KDM4B: variants seen among roughly 807,000 people sequenced by gnomAD.
KDM4B encodes lysine demethylase 4B.
A neutral mutation model predicts 125.2 loss-of-function variants in KDM4B; 32 were observed. The observed-to-expected ratio is 0.26, with a 90% confidence interval of 0.19 to 0.34. The LOEUF is 0.34. Among genes scored for constraint, KDM4B ranks in the 10% least tolerant of loss-of-function variants. KDM4B has a pLI of 1.00. For missense variants in KDM4B, 1,190 were observed against 1,577.7 expected (o/e 0.75, Z 4.16); for synonymous variants, 721 against 677.9 (o/e 1.06, Z -0.99).
chr19:5,054,191 C>G (rs921120727), intron 6 of KDM4B, among the ~76,000 whole-genome samples: 1 of 152,178 alleles, frequency 6.6e-6, no homozygotes, highest in African/African-American at 2.4e-5. Context: ...CTCAGGTGAT[C>G]CTCCCCCTTC....
chr19:5,132,105 A>T, intron 13 of KDM4B, 98 bp downstream of exon 13: 1 of 1,390,136 alleles, frequency 7.2e-7, no homozygotes, highest in Non-Finnish European at 9.6e-7. Context: ...TCCTTCCCCC[A>T]CTTCCTGGGT....
intron 15 of KDM4B, among the ~76,000 whole-genome samples, chr19:5,136,445 G>A (rs560286501): frequency 1.3e-5 from 2 of 152,304 alleles, no homozygotes; most frequent in Admixed American, 6.5e-5. Context: ...GATCTGTGTC[G>A]GTTTCCTCCT....
intron 1 of KDM4B, among the ~76,000 whole-genome samples, chr19:4,973,454 G>A (rs1258746937): frequency 6.6e-6 from 1 of 152,102 alleles, no homozygotes; most frequent in Non-Finnish European, 1.5e-5. Flanking sequence ...CTCCCAAAGT[G>A]CTGGGATTAC....
At chr19:5,071,968 G>A (rs2037963156) in intron 7 of KDM4B, among the ~76,000 whole-genome samples, 1 of 152,174 alleles carries the variant, frequency 6.6e-6, no homozygotes, top group Admixed American at 6.5e-5. Flanking sequence ...TGAGGGGTGA[G>A]GGTCAGTGAG....
rs1055675135 is a variant in KDM4B at position 5,035,686 on chromosome 19, T to G, written c.141+2655T>G. 6.6e-6 allele frequency among the ~76,000 whole-genome samples: 1 copy of G among 151,626 alleles called. No individual in the cohort carries two copies. Among genetic ancestry groups the G allele is most frequent in the Admixed American group, 6.6e-5 (1 of 15,228 alleles). On this transcript the variant is annotated intron_variant, in intron 3 of 22. Coordinates refer to ENST00000159111, the MANE Select transcript of KDM4B (RefSeq NM_015015.3). The surrounding 1 kb of genome is among the most constrained non-coding windows in gnomAD (Gnocchi z 5.3). The stretch of plus-strand genomic sequence containing the variant: ...CGGCGTCTTAAGCCAGTGTGGGGAG[T>G]ATGGTTTCCCTGCCTTGCGTTCTGC...
intron 9 of KDM4B, among the ~76,000 whole-genome samples, chr19:5,097,043 C>T (rs914288343): frequency 4.6e-5 from 7 of 151,998 alleles, no homozygotes; most frequent in African/African-American, 1.7e-4. Flanking sequence ...GTCAGCAGGG[C>T]GGGGAGAAAA....
intron 7 of KDM4B, among the ~76,000 whole-genome samples, chr19:5,073,803 T>G (rs2038019594): frequency 6.6e-6 from 1 of 152,138 alleles, no homozygotes; most frequent in Non-Finnish European, 1.5e-5. Flanking sequence ...TTGGTGGTGC[T>G]TTCACAGGGG....
rs748352750 is a variant in KDM4B at position 5,142,846 on chromosome 19, G to T, written c.2551-1121G>T. ...CCCTTGGCTTATCTGGCTTTTGAAC[G>T]TGGTTTATAGAGTGGTGACGGTGCC... is the stretch of plus-strand genomic sequence containing the variant. On this transcript the variant is annotated intron_variant, in intron 18 of 22. Transcript: ENST00000159111. This position sits in a 1 kb window ranked among gnomAD's most constrained non-coding sequence, Gnocchi z 5.4. Among the ~76,000 whole-genome samples the T allele has an allele frequency of 6.6e-6, 1 of 151,996 alleles. No homozygotes were observed. Among genetic ancestry groups the T allele is most frequent in the African/African-American group, 2.4e-5 (1 of 41,378 alleles).
At position 4,997,760 on chromosome 19, in the gene KDM4B, GC is replaced by G. The variant is rs1293318785; in HGVS notation, c.-108-18495del. On this transcript the variant is annotated intron_variant, in intron 1 of 22. Transcript: ENST00000159111. The surrounding 1 kb of genome is among the most constrained non-coding windows in gnomAD (Gnocchi z 4.2). ...TGGGGGCTCCAGGACCTCGTCATCA[GC>G]CTCTTCATCCTTACTGTCTGGTCTG... Among the ~76,000 whole-genome samples, 1 of 152,204 alleles carries G rather than the reference GC, an allele frequency of 6.6e-6. No individual in the cohort carries two copies. The highest frequency in any genetic ancestry group is 2.4e-5 in the African/African-American group (1 of 41,460).
At chr19:5,111,662 C>G in intron 10 of KDM4B, 1 of 713,928 alleles carries the variant, frequency 1.4e-6, no homozygotes, top group Non-Finnish European at 2.6e-6. Context: ...AAGGAACATT[C>G]AGGGAGCCCC....
intron 6 of KDM4B, among the ~76,000 whole-genome samples, chr19:5,063,445 A>G (rs905100977): frequency 2.6e-5 from 4 of 152,182 alleles, no homozygotes; most frequent in Non-Finnish European, 5.9e-5. Flanking sequence ...ATGTGTGTAC[A>G]TGGGCACTGT....
At chr19:5,084,359 T>A (rs2038403215) in intron 9 of KDM4B, among the ~76,000 whole-genome samples, 1 of 144,996 alleles carries the variant, frequency 6.9e-6, no homozygotes. Context: ...GTAATTTATA[T>A]ATTGTATATA....
At chr19:5,149,560 C>A (rs181709741) in intron 21 of KDM4B, among the ~76,000 whole-genome samples, 116 of 152,344 alleles carry the variant, frequency 7.6e-4, no homozygotes, top group African/African-American at 2.7e-3. Context: ...CAGGGAGTGA[C>A]CCCAGCACCT....
intron 10 of KDM4B, among the ~76,000 whole-genome samples, chr19:5,116,732 G>A (rs1036676790): frequency 2.0e-5 from 3 of 152,228 alleles, no homozygotes; most frequent in African/African-American, 7.2e-5. Flanking sequence ...ACCCCAGGGT[G>A]GGGGCAGGGA....
intron 2 of KDM4B, among the ~76,000 whole-genome samples, chr19:5,031,075 T>C (rs1255982362): frequency 6.6e-6 from 1 of 152,234 alleles, no homozygotes; most frequent in Non-Finnish European, 1.5e-5. Context: ...CTCTGCTCCC[T>C]CTGAGCCGGT....
At chr19:5,084,780 C>G (rs2145884058) in intron 9 of KDM4B, among the ~76,000 whole-genome samples, 1 of 151,562 alleles carries the variant, frequency 6.6e-6, no homozygotes, top group East Asian at 1.9e-4. Flanking sequence ...CACCACTGCA[C>G]TCGAGCCTGG....
intron 6 of KDM4B, among the ~76,000 whole-genome samples, chr19:5,048,037 C>T (rs933395409): frequency 6.6e-6 from 1 of 152,236 alleles, no homozygotes; most frequent in Non-Finnish European, 1.5e-5. Context: ...TGAAGGGACA[C>T]TGTCCATGCT....
At position 5,137,462 on chromosome 19, in the gene KDM4B, A is replaced by G. The variant is rs2039669215; in HGVS notation, c.2385+124A>G. Reference sequence around the variant, plus strand: ...CCTGGGTTCCTTCACCTCTGCCCTGAGGGGGTGGAACCCAAGGGATTCCCA... The same window carrying G: ...CCTGGGTTCCTTCACCTCTGCCCTGGGGGGGTGGAACCCAAGGGATTCCCA... On this transcript the variant is annotated intron_variant, in intron 16 of 22. Coordinates refer to ENST00000159111, the MANE Select transcript of KDM4B (RefSeq NM_015015.3). 3.3e-6 allele frequency: 4 copies of G among 1,207,146 alleles called. No homozygotes were observed. In the East Asian group the frequency reaches 1.0e-4, roughly 31 times the overall value. The allele number at this position is 1,207,146 out of a possible 1,614,324, so 74.8% of individuals were successfully genotyped here. A position where few individuals can be genotyped will look rare whatever the true frequency, so the allele number is the denominator to read the frequency against.
At chr19:5,091,831 T>C (rs2613754) in intron 9 of KDM4B, among the ~76,000 whole-genome samples, 8,951 of 152,236 alleles carry the variant, frequency 0.059, 302 homozygotes, top group African/African-American at 0.075. Flanking sequence ...AGCCCACGGC[T>C]GGCCTGTGCC....
Sources: allele counts gnomAD v4.1 joint callset (sites outside exome capture counted in the v4.1 genomes callset), GRCh38; gene constraint gnomAD v4.1.1; non-coding constraint Gnocchi (gnomAD v3.1); transcripts MANE v1.5; gene names NCBI Gene and HGNC (gene_info 2026-07-23, HGNC 2026-07-21).